Variants in RNF217 observed in about 807,000 individuals in gnomAD.
RNF217 encodes the protein E3 ubiquitin-protein ligase RNF217.
A neutral mutation model predicts 57.8 loss-of-function variants in RNF217; 31 were observed. The observed-to-expected ratio is 0.54, with a 90% CI of 0.40 to 0.72. The LOEUF (loss-of-function observed/expected upper bound fraction) is 0.72. RNF217 is among the 30% of genes least tolerant of loss of function. The pLI, the probability that RNF217 is intolerant of heterozygous loss-of-function variation, is 0.00. For missense variants in RNF217, 696 were observed against 708.3 expected (o/e 0.98, Z 0.20); for synonymous variants, 313 against 294.0 (o/e 1.06, Z -0.66).
intron 2 of RNF217, among the ~76,000 whole-genome samples, chr6:125,055,830 A>G (rs1199218021): frequency 1.3e-5 from 2 of 152,174 alleles, no homozygotes; most frequent in Admixed American, 6.6e-5. Flanking sequence ...TCATTGCTCA[A>G]TGGCAAATGG....
chr6:124,991,698 A>G (rs1031498466), intron 1 of RNF217, among the ~76,000 whole-genome samples: 1 of 152,188 alleles, frequency 6.6e-6, no homozygotes, highest in Non-Finnish European at 1.5e-5. Flanking sequence ...CATTTTTTCT[A>G]TATCTAGAAT....
intron 4 of RNF217, among the ~76,000 whole-genome samples, chr6:125,078,051 T>C (rs1368260518): frequency 6.6e-6 from 1 of 152,214 alleles, no homozygotes; most frequent in Non-Finnish European, 1.5e-5. Flanking sequence ...CTTCCTGAGG[T>C]TAATGGAACA....
chr6:125,057,868 A>C lies in RNF217; in HGVS notation c.1117-74A>C, dbSNP rs1164698304. 6 of 1,312,888 alleles carry C rather than the reference A, an allele frequency of 4.6e-6. No homozygotes were observed. In the East Asian group the frequency reaches 1.4e-4, roughly 32 times the overall value. 81.3% of individuals were successfully genotyped at this position (1,312,888 alleles called of 1,614,324 possible). A position where few individuals can be genotyped will look rare whatever the true frequency, so the allele number is the denominator to read the frequency against. On this transcript the variant is annotated intron_variant, in intron 2 of 5. Coordinates refer to ENST00000521654, the MANE Select transcript of RNF217 (RefSeq NM_001286398.3). ...TATAAACTTTTAGCTAATTTCCCCA[A>C]GCATCACCTTCTTATCCTTTTAGAC...
intron 3 of RNF217, among the ~76,000 whole-genome samples, chr6:125,058,316 T>C (rs1160602236): frequency 6.6e-6 from 1 of 152,162 alleles, no homozygotes; most frequent in Non-Finnish European, 1.5e-5. Flanking sequence ...TCTTCAAAAT[T>C]TAAGGAGGCC....
intron 3 of RNF217, among the ~76,000 whole-genome samples, chr6:125,068,454 G>A (rs189920557): frequency 9.9e-4 from 150 of 152,216 alleles, no homozygotes; most frequent in Non-Finnish European, 2.0e-3. Context: ...ATTGAGTACT[G>A]TCTTCATACT....
intron 1 of RNF217, among the ~76,000 whole-genome samples, chr6:125,026,271 G>A (rs376212216): frequency 6.6e-6 from 1 of 152,138 alleles, no homozygotes; most frequent in South Asian, 2.1e-4. Flanking sequence ...CTCTGCCAGT[G>A]ACTAACATTG....
intron 1 of RNF217, among the ~76,000 whole-genome samples, chr6:124,977,715 C>T (rs1784018386): frequency 6.6e-6 from 1 of 152,166 alleles, no homozygotes; most frequent in Non-Finnish European, 1.5e-5. Flanking sequence ...ATAAATTACC[C>T]TTAACCGTGC....
chr6:125,047,042 ATTATTTTTAAG>A (rs1787123292), intron 2 of RNF217, among the ~76,000 whole-genome samples: 1 of 152,030 alleles, frequency 6.6e-6, no homozygotes. Flanking sequence ...ATATCCTTAG[ATTATTTTTAAG>A]TTATTTTCAT....
intron 1 of RNF217, chr6:125,009,225 T>C (rs369450299): frequency 3.7e-6 from 6 of 1,605,702 alleles, no homozygotes; most frequent in Non-Finnish European, 5.1e-6. Flanking sequence ...TCAAAGCTGT[T>C]GTATAATTAG....
intron 1 of RNF217, among the ~76,000 whole-genome samples, chr6:125,030,302 C>G (rs1369049591): frequency 6.6e-6 from 1 of 152,104 alleles, no homozygotes; most frequent in Non-Finnish European, 1.5e-5. Flanking sequence ...ATCTCATGTC[C>G]TCACATTTCA....
At chr6:125,010,808 TG>T (rs1476814754) in intron 1 of RNF217, among the ~76,000 whole-genome samples, 1 of 152,158 alleles carries the variant, frequency 6.6e-6, no homozygotes, top group Admixed American at 6.5e-5. Context: ...CTGCTGTGCC[TG>T]GGTGTAGCAG....
intron 1 of RNF217, among the ~76,000 whole-genome samples, chr6:125,042,991 CT>C (rs1786945405): frequency 6.6e-6 from 1 of 152,008 alleles, no homozygotes; most frequent in African/African-American, 2.4e-5. Flanking sequence ...TTGAAAGAAA[CT>C]ATCTCTCACA....
At chr6:124,986,194 T>C (rs2115028973) in intron 1 of RNF217, among the ~76,000 whole-genome samples, 1 of 152,364 alleles carries the variant, frequency 6.6e-6, no homozygotes, top group Non-Finnish European at 1.5e-5. Context: ...TCTGCCAGGC[T>C]GGCATTAGTC....
At chr6:124,980,986 CGTTT>C (rs1469545441) in intron 1 of RNF217, among the ~76,000 whole-genome samples, 1 of 152,032 alleles carries the variant, frequency 6.6e-6, no homozygotes, top group African/African-American at 2.4e-5. Flanking sequence ...AAACTCTGTA[CGTTT>C]GTTTAATTAC....
At chr6:125,049,075 C>T (rs776926827) in intron 2 of RNF217, among the ~76,000 whole-genome samples, 20 of 152,016 alleles carry the variant, frequency 1.3e-4, no homozygotes, top group Admixed American at 6.6e-4. Context: ...ACAAGGTTGA[C>T]GTCAGCTTCC....
At position 125,075,261 on chromosome 6, in the gene RNF217, G is replaced by C. The variant is rs959156345; in HGVS notation, c.1282-1396G>C. On this transcript the variant is annotated intron_variant, in intron 3 of 5. Coordinates refer to ENST00000521654, the MANE Select transcript of RNF217 (RefSeq NM_001286398.3). ...CAAAAGATTGGACACCCCTGCCGTA[G>C]TGAAGTAGTAGACTATTTTTAGGAG... Among the ~76,000 whole-genome samples the C allele has an allele frequency of 2.0e-5, 3 of 152,196 alleles. No homozygotes were observed. In the East Asian group the frequency reaches 5.8e-4, roughly 29 times the overall value.
intron 1 of RNF217, among the ~76,000 whole-genome samples, chr6:125,034,223 T>G (rs943780873): frequency 6.6e-6 from 1 of 152,138 alleles, no homozygotes; most frequent in Non-Finnish European, 1.5e-5. Flanking sequence ...GTCAATTTTT[T>G]CTTTTGTTGC....
At chr6:125,032,096 G>GC (rs1219957220) in intron 1 of RNF217, among the ~76,000 whole-genome samples, 1 of 151,946 alleles carries the variant, frequency 6.6e-6, no homozygotes, top group African/African-American at 2.4e-5. Context: ...GGAAAGACCG[G>GC]CCCCCCATGA....
At chr6:125,020,746 G>T (rs1485700768) in intron 1 of RNF217, among the ~76,000 whole-genome samples, 2 of 152,062 alleles carry the variant, frequency 1.3e-5, no homozygotes, top group Non-Finnish European at 2.9e-5. Context: ...ACTATGTATG[G>T]ACTATTACAG....
Sources: gnomAD v4.1 joint callset for allele counts (sites outside exome capture counted in the v4.1 genomes callset) on GRCh38, gnomAD v4.1.1 for gene constraint, MANE v1.5 for transcripts, NCBI Gene and HGNC (gene_info 2026-07-23, HGNC 2026-07-21) for gene names.